SEMA6B: variants seen among roughly 807,000 people sequenced by gnomAD.
SEMA6B encodes semaphorin-6B.
A neutral mutation model predicts 78.6 loss-of-function variants in SEMA6B; 47 were observed. The ratio of observed to expected loss-of-function variants is 0.60; its 90% CI spans 0.47 to 0.76. The LOEUF is 0.76. Among genes scored for constraint, SEMA6B ranks in the 30% least tolerant of loss-of-function variants. The pLI is 0.00. For missense variants in SEMA6B, 1,213 were observed against 1,269.9 expected (o/e 0.96, Z 0.68); for synonymous variants, 632 against 592.2 (o/e 1.07, Z -0.98).
chr19:4,554,591 A>G (rs757554049), intron 8 of SEMA6B, 115 bp from the exon 9 acceptor site: 9 of 764,310 alleles, frequency 1.2e-5, no homozygotes, highest in Admixed American at 2.5e-5. Context: ...TACCCAGACA[A>G]TATGAAACAG....
intron 8 of SEMA6B, 108 bp from the exon 9 acceptor site, chr19:4,554,584 C>A: frequency 2.4e-6 from 2 of 818,636 alleles, no homozygotes; most frequent in South Asian, 3.1e-5. Flanking sequence ...GGCTGGTTAC[C>A]CAGACAATAT....
chr19:4,555,582 C>A lies in SEMA6B; in HGVS notation c.472-18G>T. On this transcript the variant is annotated intron_variant, in intron 6 of 16. Transcript: ENST00000586582. This position sits in a 1 kb window ranked among gnomAD's most constrained non-coding sequence, Gnocchi z 6.1. ...GTGTCTATCTGCAGGGACCATGGGGCCTGAGTGACAGATCTCCTGACCCCA... is the reference window on the plus strand; with the variant it reads ...GTGTCTATCTGCAGGGACCATGGGGACTGAGTGACAGATCTCCTGACCCCA... The A allele has an allele frequency of 6.2e-7, 1 of 1,605,594 alleles. No individual in the cohort carries two copies.
Position 4,557,144 on chromosome 19 carries a change from A to C in SEMA6B, c.306+19T>G. On this transcript the variant is annotated intron_variant, in intron 4 of 16. Coordinates refer to ENST00000586582, the MANE Select transcript of SEMA6B (RefSeq NM_032108.4). ...CCCCTGGCCCTACCCCTCCACTCCC[A>C]CCTGCACCCCTTCCTCACCCTCTGG... is the stretch of plus-strand genomic sequence containing the variant. The C allele has an allele frequency of 6.2e-7, 1 of 1,607,860 alleles. No homozygotes were observed. The highest frequency in any genetic ancestry group is 1.3e-5 in the African/African-American group (1 of 74,634).
In SEMA6B at chr19:4,543,926, C is replaced by A. The variant is rs189240925; in HGVS notation, c.2342G>T (p.Arg781Leu). 4,594 of 1,200,806 alleles carry A rather than the reference C, an allele frequency of 3.8e-3. 18 individuals carry two copies. The highest frequency in any genetic ancestry group is 3.6e-3 in the Non-Finnish European group (3,481 of 968,514). 74.4% of individuals were successfully genotyped at this position (1,200,806 alleles called of 1,614,324 possible). Residue 781 changes from arginine to leucine, a missense_variant, in exon 17 of 17, where the codon CGC (arginine) becomes CTC (leucine). Physicochemically the swap from Arg to Leu is moderately radical, Grantham distance 102. Transcript: ENST00000586582. Reference protein sequence around the residue: ...DGRLYAARPGRASHGDFPLTP... With the variant: ...DGRLYAARPGLASHGDFPLTP... ...GAGCGGGAAGTCGCCGTGGGAGGCG[C>A]GGCCGGGCCGGGCAGCATAGAGGCG...
Position 4,552,873 on chromosome 19 carries a change from C to T in SEMA6B, c.772-234G>A, listed in dbSNP as rs941886185. 2.6e-5 allele frequency among the ~76,000 whole-genome samples: 4 copies of T among 152,208 alleles called. No homozygotes were observed. In the East Asian group the frequency reaches 5.8e-4, roughly 22 times the overall value. The stretch of plus-strand genomic sequence containing the variant: ...ACAACCATAATCATCACTGTTTCCA[C>T]GAAGACCCACATTTTATTCTCACAT... On this transcript the variant is annotated intron_variant, in intron 9 of 16. Coordinates refer to ENST00000586582, the MANE Select transcript of SEMA6B (RefSeq NM_032108.4). The surrounding 1 kb of genome is among the most constrained non-coding windows in gnomAD (Gnocchi z 7.4).
Position 4,554,413 on chromosome 19 carries a change from G to A in SEMA6B, c.746C>T (p.Ala249Val), listed in dbSNP as rs1327645032. The change falls in exon 9 of 17, where the codon GCG becomes GTG. Residue 249 changes from alanine (A) to valine (V), a missense_variant. Transcript: ENST00000586582. ...CTTCTCCAGGTAGTTAAACTCCATCGCAATCTCCCGGAAGAAGAAGTAGAC... is the reference window on the plus strand; with the variant it reads ...CTTCTCCAGGTAGTTAAACTCCATCACAATCTCCCGGAAGAAGAAGTAGAC... ...SHVYFFFREI[A>V]MEFNYLEKVV... The A allele has an allele frequency of 5.6e-6, 9 of 1,613,658 alleles. No homozygotes were observed. Among genetic ancestry groups the A allele is most frequent in the Admixed American group, 5.0e-5 (3 of 59,982 alleles).
intron 9 of SEMA6B, among the ~76,000 whole-genome samples, 154 bp downstream of exon 9, chr19:4,554,234 C>G (rs1343159048): frequency 6.6e-6 from 1 of 152,140 alleles, no homozygotes; most frequent in African/African-American, 2.4e-5. Context: ...TCTTCAGCCT[C>G]AGGGCCTGAT....
Position 4,543,126 on chromosome 19 carries a change from A to ACGCACACGCACGCACACC in SEMA6B, c.*457_*474dup, listed in dbSNP as rs539149201. On this transcript the variant is annotated 3_prime_UTR_variant, in exon 17 of 17. Transcript: ENST00000586582. ...CCGGCCCCTTGCACACGAACACGGC[A>ACGCACACGCACGCACACC]CGCACACGCACGCACACCCACACAC... 221 of 617,230 alleles carry ACGCACACGCACGCACACC rather than the reference A, an allele frequency of 3.6e-4. No individual in the cohort carries two copies. The African/African-American group carries it at 3.6e-3, about 10-fold the overall frequency. The allele number at this position is 617,230 out of a possible 1,614,324, so 38.2% of individuals were successfully genotyped here.
Position 4,543,090 on chromosome 19 carries a change from C to A in SEMA6B, c.*511G>T. On this transcript the variant is annotated 3_prime_UTR_variant, in exon 17 of 17. Transcript: ENST00000586582. Reference sequence around the variant, plus strand: ...CAGCCTTCGCTGGCACGCACACACACGCCCACCTCCCCGGCCCCTTGCACA... The same window carrying A: ...CAGCCTTCGCTGGCACGCACACACAAGCCCACCTCCCCGGCCCCTTGCACA... 1 of 635,344 alleles carries A rather than the reference C, an allele frequency of 1.6e-6. No individual in the cohort carries two copies. The highest frequency in any genetic ancestry group is 2.9e-6 in the Non-Finnish European group (1 of 350,264). 39.4% of individuals were successfully genotyped at this position (635,344 alleles called of 1,614,324 possible).
chr19:4,558,229 G>T lies in SEMA6B; in HGVS notation c.122-80C>A. 7.5e-7 allele frequency: 1 copy of T among 1,341,770 alleles called. No individual in the cohort carries two copies. Among genetic ancestry groups the T allele is most frequent in the African/African-American group, 1.5e-5 (1 of 66,402 alleles). The allele number at this position is 1,341,770 out of a possible 1,614,324, so 83.1% of individuals were successfully genotyped here. A position where few individuals can be genotyped will look rare whatever the true frequency, so the allele number is the denominator to read the frequency against. On this transcript the variant is annotated intron_variant, in intron 2 of 16. Coordinates refer to ENST00000586582, the MANE Select transcript of SEMA6B (RefSeq NM_032108.4). The surrounding 1 kb of genome is among the most constrained non-coding windows in gnomAD (Gnocchi z 5.1). ...GGCCTGAGGTCATGCCCCTTCTAGG[G>T]GTGGCTCCTGGACTGCTTGAGTCCC...
chr19:4,543,374 T>TGGGGGGGGGGGCCCCCC lies in SEMA6B; in HGVS notation c.*226_*227insGGGGGGCCCCCCCCCCC. On this transcript the variant is annotated 3_prime_UTR_variant, in exon 17 of 17. Transcript: ENST00000586582. ...CAACCTCAAATCCATAGCAAAGTCC[T>TGGGGGGGGGGGCCCCCC]CCCGCCCACCCACCCCCAAACCGTC... is the stretch of plus-strand genomic sequence containing the variant. 2.8e-6 allele frequency: 1 copy of TGGGGGGGGGGGCCCCCC among 363,598 alleles called. No homozygotes were observed. Among genetic ancestry groups the TGGGGGGGGGGGCCCCCC allele is most frequent in the Non-Finnish European group, 4.8e-6 (1 of 208,180 alleles). 22.5% of individuals were successfully genotyped at this position (363,598 alleles called of 1,614,324 possible). A position where few individuals can be genotyped will look rare whatever the true frequency, so the allele number is the denominator to read the frequency against.
chr19:4,551,835 AAACC>A (rs1053543418), intron 10 of SEMA6B, among the ~76,000 whole-genome samples: 42 of 150,820 alleles, frequency 2.8e-4, no homozygotes, highest in Middle Eastern at 3.4e-3. Context: ...CTCAAAAAAA[AAACC>A]AAACCAAACA....
chr19:4,557,738 G>T (rs1004570919), intron 3 of SEMA6B, among the ~76,000 whole-genome samples: 4 of 152,116 alleles, frequency 2.6e-5, no homozygotes, highest in African/African-American at 9.7e-5. Flanking sequence ...AGCCAGCCTG[G>T]ACAGCCCAGT....
rs992272010 is a variant in SEMA6B at position 4,543,318 on chromosome 19, C to CA, written c.*282dup. On this transcript the variant is annotated 3_prime_UTR_variant, in exon 17 of 17. Transcript: ENST00000586582. ...AAAACCGCAAAAGAAACCAAAACTGCAAAAAAAACCAAAACCTACGCGCAT... is the reference window on the plus strand; with the variant it reads ...AAAACCGCAAAAGAAACCAAAACTGCAAAAAAAAACCAAAACCTACGCGCAT... 69 of 456,256 alleles carry CA rather than the reference C, an allele frequency of 1.5e-4. No homozygotes were observed. The highest frequency in any genetic ancestry group is 2.5e-4 in the South Asian group (5 of 19,698). The allele number at this position is 456,256 out of a possible 1,614,324, so 28.3% of individuals were successfully genotyped here. A position where few individuals can be genotyped will look rare whatever the true frequency, so the allele number is the denominator to read the frequency against.
Position 4,544,408 on chromosome 19 carries a change from C to T in SEMA6B, c.1860G>A (p.Trp620Ter). The change falls in exon 17 of 17, where the codon TGG (tryptophan) becomes TGA (stop). Residue 620 changes from tryptophan (W) to a stop codon, truncating the protein, a stop_gained. Coordinates refer to ENST00000586582, the MANE Select transcript of SEMA6B (RefSeq NM_032108.4). LOFTEE classifies it high-confidence loss of function. This position sits in a 1 kb window ranked among gnomAD's most constrained non-coding sequence, Gnocchi z 5.1. ...GAVVSGFSVG[W>*]FVGLRERREL... Reference sequence around the variant, plus strand: ...CCCGCCGCTCACGGAGGCCCACGAACCAGCCCACGCTGAAGCCGGACACCA... The same window carrying T: ...CCCGCCGCTCACGGAGGCCCACGAATCAGCCCACGCTGAAGCCGGACACCA... 1 of 1,603,696 alleles carries T rather than the reference C, an allele frequency of 6.2e-7. No individual in the cohort carries two copies. The highest frequency in any genetic ancestry group is 8.5e-7 in the Non-Finnish European group (1 of 1,176,262).
rs1266268303 is a variant in SEMA6B at position 4,548,356 on chromosome 19, A to G, written c.1361T>C (p.Val454Ala). The change falls in exon 13 of 17, where the codon GTC becomes GCC. Residue 454 changes from valine to alanine, a missense_variant. Coordinates refer to ENST00000586582, the MANE Select transcript of SEMA6B (RefSeq NM_032108.4). Reference sequence around the variant, plus strand: ...ATTGGGCCGGACGAGGAACTTGAGGACCGTCCCCGCCTCAGAACCCAGGAA... The same window carrying G: ...ATTGGGCCGGACGAGGAACTTGAGGGCCGTCCCCGCCTCAGAACCCAGGAA... ...VVFLGSEAGTVLKFLVRPNAS... is the reference protein window; with the variant it reads ...VVFLGSEAGTALKFLVRPNAS... 6.2e-7 allele frequency: 1 copy of G among 1,613,530 alleles called. No homozygotes were observed. The highest frequency in any genetic ancestry group is 1.3e-5 in the African/African-American group (1 of 74,864).
chr19:4,554,309 G>T lies in SEMA6B; in HGVS notation c.771+79C>A, dbSNP rs149959787. 9.3e-5 allele frequency: 106 copies of T among 1,133,932 alleles called. No individual in the cohort carries two copies. In the African/African-American group the frequency reaches 1.4e-3, roughly 15 times the overall value. 70.2% of individuals were successfully genotyped at this position (1,133,932 alleles called of 1,614,324 possible). A position where few individuals can be genotyped will look rare whatever the true frequency, so the allele number is the denominator to read the frequency against. On this transcript the variant is annotated intron_variant, in intron 9 of 16. Transcript: ENST00000586582. ...GCAGGACCCTCTCACCCCATGCAGGGATTCATGGATCCACCTCTGCCCCCT... is the reference window on the plus strand; with the variant it reads ...GCAGGACCCTCTCACCCCATGCAGGTATTCATGGATCCACCTCTGCCCCCT...
rs1419125738 is a variant in SEMA6B at position 4,543,138 on chromosome 19, G to GCACACC, written c.*457_*462dup. 1.6e-6 allele frequency: 1 copy of GCACACC among 616,548 alleles called. No individual in the cohort carries two copies. 38.2% of individuals were successfully genotyped at this position (616,548 alleles called of 1,614,324 possible). On this transcript the variant is annotated 3_prime_UTR_variant, in exon 17 of 17. Transcript: ENST00000586582. ...ACACGAACACGGCACGCACACGCAC[G>GCACACC]CACACCCACACACGCCAGGGGCCTG...
Position 4,558,547 on chromosome 19 carries a change from G to A in SEMA6B, c.-32-58C>T, listed in dbSNP as rs891290167. The stretch of plus-strand genomic sequence containing the variant: ...GCAGTCCCGCTCGTGGCCACAAGAC[G>A]GCGGGCGAGAGCAGCAGACGCTCCT... On this transcript the variant is annotated intron_variant, in intron 1 of 16. Coordinates refer to ENST00000586582, the MANE Select transcript of SEMA6B (RefSeq NM_032108.4). The surrounding 1 kb of genome is among the most constrained non-coding windows in gnomAD (Gnocchi z 5.1). 178 of 1,147,358 alleles carry A rather than the reference G, an allele frequency of 1.6e-4. No homozygotes were observed. The highest frequency in any genetic ancestry group is 4.4e-5 in the South Asian group (1 of 22,846). The allele number at this position is 1,147,358 out of a possible 1,614,324, so 71.1% of individuals were successfully genotyped here.
Sources: allele counts gnomAD v4.1 joint callset (sites outside exome capture counted in the v4.1 genomes callset), GRCh38; gene constraint gnomAD v4.1.1; non-coding constraint Gnocchi (gnomAD v3.1); transcripts MANE v1.5; gene names NCBI Gene and HGNC (gene_info 2026-07-23, HGNC 2026-07-21).